EIPR1: variants seen among roughly 807,000 people sequenced by gnomAD.
The protein encoded by EIPR1 is EARP complex and GARP complex interacting protein 1.
Under a neutral mutation model 48.1 loss-of-function variants are expected in EIPR1, and 25 were observed. That is an observed-to-expected ratio of 0.52 (90% CI 0.38 to 0.73). The LOEUF (loss-of-function observed/expected upper bound fraction) is 0.73. EIPR1 is among the 30% of genes least tolerant of loss of function. EIPR1 has a pLI of 0.00. For synonymous variants in EIPR1, 204 were observed against 201.9 expected, an observed-to-expected ratio of 1.01 and a Z score of -0.09; for missense variants, 415 against 506.2, an observed-to-expected ratio of 0.82 and a Z score of 1.73.
intron 4 of EIPR1, among the ~76,000 whole-genome samples, chr2:3,253,005 G>A (rs1036376788): frequency 1.3e-5 from 2 of 152,158 alleles, no homozygotes; most frequent in Non-Finnish European, 2.9e-5. Flanking sequence ...AGTGGGGATC[G>A]GACGTGCCTC....
At chr2:3,314,646 CTT>C (rs78553502) in intron 3 of EIPR1, among the ~76,000 whole-genome samples, 26,251 of 151,826 alleles carry the variant, frequency 0.17, 2,424 homozygotes, top group Non-Finnish European at 0.21. Flanking sequence ...CCGTCCCTCT[CTT>C]GTGTCCCCTC....
chr2:3,283,698 CT>C (rs1320105439), intron 3 of EIPR1, among the ~76,000 whole-genome samples: 1 of 152,206 alleles, frequency 6.6e-6, no homozygotes, highest in Non-Finnish European at 1.5e-5. Context: ...AATCCCAGCA[CT>C]TTGGGAGGCC....
chr2:3,364,588 T>C (rs957575866), intron 1 of EIPR1, among the ~76,000 whole-genome samples: 3 of 151,446 alleles, frequency 2.0e-5, no homozygotes, highest in Non-Finnish European at 2.9e-5. Context: ...TGAGCCGAGA[T>C]TGTACCACTG....
Position 3,312,084 on chromosome 2 carries a change from C to T in EIPR1, c.259+25933G>A, listed in dbSNP as rs1036272791. ...ATAACTGTGTGTTGGAGCCACAACACACAGTTATCCCCTCTGTCTGATAAC... is the reference window on the plus strand; with the variant it reads ...ATAACTGTGTGTTGGAGCCACAACATACAGTTATCCCCTCTGTCTGATAAC... On this transcript the variant is annotated intron_variant, in intron 3 of 8. Coordinates refer to ENST00000382125, the MANE Select transcript of EIPR1 (RefSeq NM_003310.5). The surrounding 1 kb of genome is among the most constrained non-coding windows in gnomAD (Gnocchi z 5.5). Among the ~76,000 whole-genome samples the T allele has an allele frequency of 2.6e-5, 4 of 152,184 alleles. No homozygotes were observed. Among genetic ancestry groups the T allele is most frequent in the Admixed American group, 6.5e-5 (1 of 15,284 alleles).
intron 3 of EIPR1, among the ~76,000 whole-genome samples, chr2:3,283,967 AAAG>A (rs1191006036): frequency 1.3e-5 from 2 of 148,444 alleles, no homozygotes; most frequent in Non-Finnish European, 3.0e-5. Context: ...AAAAAAAAAG[AAAG>A]AAAGAAAAAA....
At chr2:3,234,538 A>G (rs747648744) in intron 4 of EIPR1, among the ~76,000 whole-genome samples, 9 of 152,212 alleles carry the variant, frequency 5.9e-5, no homozygotes, top group Non-Finnish European at 1.3e-4. Context: ...ACAATAAATA[A>G]GACCAGACCC....
intron 1 of EIPR1, among the ~76,000 whole-genome samples, chr2:3,368,282 A>C (rs1261972546): frequency 6.6e-6 from 1 of 152,170 alleles, no homozygotes; most frequent in Non-Finnish European, 1.5e-5. Context: ...GTGGCTTACA[A>C]CCTGCCCTGC....
chr2:3,319,173 A>G lies in EIPR1; in HGVS notation c.259+18844T>C, dbSNP rs868494374. 37 of 340,860 alleles carry G rather than the reference A, an allele frequency of 1.1e-4. 2 individuals carry two copies. Among genetic ancestry groups the G allele is most frequent in the South Asian group, 8.5e-4 (37 of 43,482 alleles). The allele number at this position is 340,860 out of a possible 1,614,324, so 21.1% of individuals were successfully genotyped here. On this transcript the variant is annotated intron_variant, in intron 3 of 8. Coordinates refer to ENST00000382125, the MANE Select transcript of EIPR1 (RefSeq NM_003310.5). ...TCCATCCTGCGTGACAAAAACCAGC[A>G]AGAAGAAAACATGTTTATACAACAA...
Position 3,246,666 on chromosome 2 carries a change from G to A in EIPR1, c.416+10633C>T, listed in dbSNP as rs569449131. On this transcript the variant is annotated intron_variant, in intron 4 of 8. Transcript: ENST00000382125. Reference sequence around the variant, plus strand: ...ATGTCAGAGAAACACACAGCGTGTGGAGTGCAGCCTTGCTCAGCTCCAGCC... The same window carrying A: ...ATGTCAGAGAAACACACAGCGTGTGAAGTGCAGCCTTGCTCAGCTCCAGCC... 2.4e-4 allele frequency among the ~76,000 whole-genome samples: 36 copies of A among 152,080 alleles called. No homozygotes were observed. In the East Asian group the frequency reaches 7.0e-3, roughly 30 times the overall value.
chr2:3,251,405 A>T (rs765906877), intron 4 of EIPR1, among the ~76,000 whole-genome samples: 2 of 152,218 alleles, frequency 1.3e-5, no homozygotes, highest in Non-Finnish European at 2.9e-5. Context: ...TGCATCTAAT[A>T]AACAAATAAA....
At chr2:3,347,621 T>A (rs2103365167) in intron 2 of EIPR1, among the ~76,000 whole-genome samples, 1 of 152,230 alleles carries the variant, frequency 6.6e-6, no homozygotes, top group East Asian at 1.9e-4. Context: ...TGATACAGGG[T>A]CAAACTGATT....
chr2:3,276,971 G>C (rs903305549), intron 3 of EIPR1, among the ~76,000 whole-genome samples: 1 of 152,124 alleles, frequency 6.6e-6, no homozygotes, highest in Non-Finnish European at 1.5e-5. Context: ...AAGTCACCAG[G>C]GAGCAAACCT....
intron 3 of EIPR1, among the ~76,000 whole-genome samples, chr2:3,310,548 G>A (rs1331087445): frequency 6.8e-6 from 1 of 147,702 alleles, no homozygotes; most frequent in Admixed American, 6.7e-5. Flanking sequence ...AGCTACTTGG[G>A]AGGCTGAGGC....
At chr2:3,325,176 T>G (rs899364674) in intron 3 of EIPR1, among the ~76,000 whole-genome samples, 12 of 152,196 alleles carry the variant, frequency 7.9e-5, no homozygotes, top group Non-Finnish European at 1.6e-4. Context: ...CTGGGCTCCC[T>G]GCAAGGGCCG....
chr2:3,323,311 A>C (rs953869160), intron 3 of EIPR1, among the ~76,000 whole-genome samples: 10 of 152,188 alleles, frequency 6.6e-5, no homozygotes, highest in Non-Finnish European at 1.5e-4. Flanking sequence ...GGGACACCAA[A>C]GGTGATGTGG....
chr2:3,202,243 C>G (rs1665074413), intron 5 of EIPR1, among the ~76,000 whole-genome samples: 1 of 152,216 alleles, frequency 6.6e-6, no homozygotes, highest in Admixed American at 6.5e-5. Flanking sequence ...GGCCTAGGTT[C>G]AATGTCTTAA....
chr2:3,232,785 T>A (rs978573684), intron 4 of EIPR1, among the ~76,000 whole-genome samples: 2 of 152,232 alleles, frequency 1.3e-5, no homozygotes, highest in African/African-American at 4.8e-5. Context: ...GGTTATCTAC[T>A]CCGTCTCTGT....
intron 5 of EIPR1, among the ~76,000 whole-genome samples, chr2:3,210,305 C>T (rs1462268983): frequency 2.0e-5 from 3 of 152,162 alleles, no homozygotes; most frequent in East Asian, 3.8e-4. Flanking sequence ...ACTTAAAACA[C>T]GAAGGGAACA....
chr2:3,272,888 C>T (rs935511601), intron 3 of EIPR1, among the ~76,000 whole-genome samples: 1 of 152,156 alleles, frequency 6.6e-6, no homozygotes, highest in South Asian at 2.1e-4. Flanking sequence ...CGATGAGGTG[C>T]GTCTGTATCT....
Sources: allele counts gnomAD v4.1 joint callset (sites outside exome capture counted in the v4.1 genomes callset), GRCh38; gene constraint gnomAD v4.1.1; non-coding constraint Gnocchi (gnomAD v3.1); transcripts MANE v1.5; gene names NCBI Gene and HGNC (gene_info 2026-07-23, HGNC 2026-07-21).